The following ITSN2 variants were observed in gnomAD, a reference collection of about 807,000 sequenced individuals.
The protein encoded by ITSN2 is intersectin-2.
In ITSN2, 156 loss-of-function variants were observed where a neutral mutation model predicts 243.7. The ratio of observed to expected loss-of-function variants is 0.64; its 90% CI spans 0.56 to 0.73. The LOEUF (loss-of-function observed/expected upper bound fraction) is 0.73, where lower values mean the gene tolerates loss of function less well. Among genes scored for constraint, ITSN2 ranks in the 30% least tolerant of loss-of-function variants. The pLI, the probability that ITSN2 is intolerant of heterozygous loss-of-function variation, is 0.00. For synonymous variants in ITSN2, 703 were observed against 699.9 expected (o/e 1.00, Z -0.07); for missense variants, 1,801 against 1,996.1 (o/e 0.90, Z 1.86).
intron 22 of ITSN2, among the ~76,000 whole-genome samples, chr2:24,258,683 A>G (rs937067809): frequency 7.2e-5 from 11 of 152,040 alleles, no homozygotes; most frequent in Admixed American, 3.3e-4. Context: ...TCTTCAATCT[A>G]CTTCTCTACT....
At chr2:24,228,471 A>ATAC (rs1010329177) in intron 29 of ITSN2, among the ~76,000 whole-genome samples, 4 of 152,230 alleles carry the variant, frequency 2.6e-5, no homozygotes, top group African/African-American at 9.7e-5. Flanking sequence ...AACAACAATA[A>ATAC]TACTAAGTTG....
At chr2:24,354,838 C>CCACTAAATG (rs1465025286) in intron 1 of ITSN2, among the ~76,000 whole-genome samples, 3 of 152,218 alleles carry the variant, frequency 2.0e-5, no homozygotes, top group African/African-American at 7.2e-5. Context: ...TGTTTACCGT[C>CCACTAAATG]TGGTAATAGT....
At chr2:24,285,469 A>C (rs1320340954) in intron 16 of ITSN2, among the ~76,000 whole-genome samples, 3 of 152,256 alleles carry the variant, frequency 2.0e-5, no homozygotes, top group African/African-American at 7.2e-5. Flanking sequence ...GAGATTTCTT[A>C]TACAAAAGCT....
Position 24,220,987 on chromosome 2 carries a change from C to A in ITSN2, c.3657G>T (p.Gln1219His), listed in dbSNP as rs1175367020. ...GGTCAGCCATGTACCGCTCTTCGGTCTGAATCAGCTCATGAATATAGCCCT... is the reference window on the plus strand; with the variant it reads ...GGTCAGCCATGTACCGCTCTTCGGTATGAATCAGCTCATGAATATAGCCCT... ...KRQGYIHELI[Q>H]TEERYMADLQ... The change falls in exon 30 of 40, where the codon CAG becomes CAT. Residue 1219 changes from glutamine (Q) to histidine (H), a missense_variant. Around this residue, in one of 5 missense-constraint regions of ITSN2, gnomAD observed 928 missense variants for 1,065.4 expected, o/e 0.87. Coordinates refer to ENST00000355123, the MANE Select transcript of ITSN2 (RefSeq NM_006277.3). 1 of 1,609,944 alleles carries A rather than the reference C, an allele frequency of 6.2e-7. No homozygotes were observed. The highest frequency in any genetic ancestry group is 8.5e-7 in the Non-Finnish European group (1 of 1,178,522).
chr2:24,220,436 T>C, intron 30 of ITSN2: 1 of 986,992 alleles, frequency 1.0e-6, no homozygotes, highest in Non-Finnish European at 1.2e-6. Flanking sequence ...ACAGTAGCTA[T>C]ATGATATTTG....
At chr2:24,203,825 A>AT in intron 39 of ITSN2, 42 bp from the exon 40 acceptor site, 1 of 1,567,850 alleles carries the variant, frequency 6.4e-7, no homozygotes, top group African/African-American at 1.4e-5. Flanking sequence ...TTTCTTCTTT[A>AT]TAAAATCATT....
intron 1 of ITSN2, among the ~76,000 whole-genome samples, chr2:24,348,159 T>C (rs1339326741): frequency 6.6e-6 from 1 of 151,064 alleles, no homozygotes; most frequent in Non-Finnish European, 1.5e-5. Flanking sequence ...AAGGCTATGG[T>C]AAACTTACAA....
intron 29 of ITSN2, chr2:24,238,900 G>T (rs977147853): frequency 1.3e-5 from 2 of 152,112 alleles, no homozygotes; most frequent in African/African-American, 4.8e-5. Flanking sequence ...AAGTTTTAAA[G>T]AATGTTTCAA....
At chr2:24,275,956 A>T in intron 17 of ITSN2, 107 bp from the exon 18 acceptor site, 1 of 796,346 alleles carries the variant, frequency 1.3e-6, no homozygotes, top group Non-Finnish European at 1.9e-6. Flanking sequence ...TAGCAAGTTG[A>T]ACTAAATTTA....
At position 24,204,244 on chromosome 2, in the gene ITSN2, C is replaced by G; in HGVS notation, c.4936+1G>C. ...AGATCCCCTGGCTGAGCGACACTTA[C>G]CATCTGGTGAAAACTGGTCTCTGTC... is the stretch of plus-strand genomic sequence containing the variant. On this transcript the variant is annotated splice_donor_variant, in intron 39 of 39. Transcript: ENST00000355123. LOFTEE classifies it high-confidence loss of function. This position sits in a 1 kb window ranked among gnomAD's most constrained non-coding sequence, Gnocchi z 5.1. The G allele has an allele frequency of 6.2e-7, 1 of 1,613,916 alleles. No individual in the cohort carries two copies. The highest frequency in any genetic ancestry group is 8.5e-7 in the Non-Finnish European group (1 of 1,179,974).
intron 26 of ITSN2, 42 bp downstream of exon 26, chr2:24,248,795 G>C: frequency 1.2e-6 from 2 of 1,613,324 alleles, no homozygotes; most frequent in Non-Finnish European, 1.7e-6. Flanking sequence ...TTGCGACAGA[G>C]CAAACACGTT....
In ITSN2 at chr2:24,257,270, T is replaced by A. The variant is rs1049391149; in HGVS notation, c.2888+618A>T. Among the ~76,000 whole-genome samples, 6 of 152,086 alleles carry A rather than the reference T, an allele frequency of 3.9e-5. No individual in the cohort carries two copies. In the Middle Eastern group the frequency reaches 0.01, roughly 259 times the overall value. On this transcript the variant is annotated intron_variant, in intron 23 of 39. Transcript: ENST00000355123. ...GGGTGGTCGAGGCTGCAGTGAGCCA[T>A]GATCCACCACTGCACTCTAGCCTAG...
chr2:24,214,592 CTTTAA>C (rs1389256527), intron 32 of ITSN2, among the ~76,000 whole-genome samples: 4 of 152,268 alleles, frequency 2.6e-5, no homozygotes, highest in Admixed American at 2.0e-4. Flanking sequence ...ATTACATGCA[CTTTAA>C]TTTAAGAGAT....
intron 29 of ITSN2, among the ~76,000 whole-genome samples, chr2:24,236,609 C>G (rs763108543): frequency 4.0e-5 from 6 of 150,884 alleles, no homozygotes; most frequent in Non-Finnish European, 8.8e-5. Context: ...TGACTCTTCT[C>G]TGTGTGTCCT....
chr2:24,261,577 T>C lies in ITSN2; in HGVS notation c.2521A>G (p.Thr841Ala), dbSNP rs1415759171. ...AAAACTTACTCAGAGGAAGTTGAGGTAGCAGATAAAGAAACTGTAGGAGGA... is the reference window on the plus strand; with the variant it reads ...AAAACTTACTCAGAGGAAGTTGAGGCAGCAGATAAAGAAACTGTAGGAGGA... The part of the protein sequence containing the change: ...LLPPTVSLSA[T>A]STSSEPLSSN... Residue 841 changes from threonine (T) to alanine (A), a missense_variant, in exon 21 of 40, where the codon ACC becomes GCC. This residue lies in a region of ITSN2 where 928 missense variants were observed against 1,065.4 expected (regional missense o/e 0.87). Transcript: ENST00000355123. 1 of 1,611,780 alleles carries C rather than the reference T, an allele frequency of 6.2e-7. No individual in the cohort carries two copies. Among genetic ancestry groups the C allele is most frequent in the Non-Finnish European group, 8.5e-7 (1 of 1,179,094 alleles).
chr2:24,337,325 T>TATACACATATATATATATATACAC (rs1686520480), intron 1 of ITSN2, among the ~76,000 whole-genome samples: 6 of 94,458 alleles, frequency 6.4e-5, no homozygotes, highest in African/African-American at 2.2e-4. Context: ...AATATATATA[T>TATACACATATATATATATATACAC]ATATATATAT....
intron 20 of ITSN2, among the ~76,000 whole-genome samples, chr2:24,269,045 A>G (rs1371533420): frequency 2.3e-5 from 3 of 130,058 alleles, no homozygotes; most frequent in Non-Finnish European, 4.9e-5. Context: ...GTTCCCTAAC[A>G]TTAAACTCTC....
intron 8 of ITSN2, among the ~76,000 whole-genome samples, chr2:24,308,129 G>A (rs1682788750): frequency 1.3e-5 from 2 of 152,148 alleles, no homozygotes; most frequent in African/African-American, 4.8e-5. Flanking sequence ...GTTCTGGCCT[G>A]GACTCAAATG....
At chr2:24,248,032 AT>A (rs1673611560) in intron 27 of ITSN2, among the ~76,000 whole-genome samples, 1 of 152,198 alleles carries the variant, frequency 6.6e-6, no homozygotes, top group African/African-American at 2.4e-5. Flanking sequence ...TATAGCTATT[AT>A]ATCTCTTGTC....
Sources: allele counts gnomAD v4.1 joint callset (sites outside exome capture counted in the v4.1 genomes callset), GRCh38; gene constraint gnomAD v4.1.1; regional missense constraint gnomAD v4.1.1; non-coding constraint Gnocchi (gnomAD v3.1); transcripts MANE v1.5; gene names NCBI Gene and HGNC (gene_info 2026-07-23, HGNC 2026-07-21).